Variants in PTBP3 observed in about 807,000 individuals in gnomAD.
PTBP3 encodes polypyrimidine tract binding protein 3.
Under a neutral mutation model 58.7 loss-of-function variants are expected in PTBP3, and 20 were observed. The observed-to-expected ratio is 0.34, with a 90% CI of 0.24 to 0.50. The LOEUF is 0.50. PTBP3 is among the 20% of genes least tolerant of loss of function. The pLI is 0.98. For synonymous variants in PTBP3, 185 were observed against 219.8 expected (o/e 0.84, Z 1.40); for missense variants, 509 against 637.2 (o/e 0.80, Z 2.17).
intron 8 of PTBP3, 78 bp downstream of exon 8, chr9:112,234,741 AC>A: frequency 7.5e-7 from 1 of 1,330,170 alleles, no homozygotes; most frequent in Non-Finnish European, 1.1e-6. Flanking sequence ...AAATATGATA[AC>A]ATTCTTCATC....
chr9:112,326,198 C>T (rs1170978751), intron 1 of PTBP3, among the ~76,000 whole-genome samples: 1 of 152,174 alleles, frequency 6.6e-6, no homozygotes, highest in Non-Finnish European at 1.5e-5. Context: ...ACCCTTAAGA[C>T]ATGTGCATTT....
In PTBP3 at chr9:112,252,232, TCTGA is replaced by T. The variant is rs577535731; in HGVS notation, c.627+442_627+445del. 2.6e-5 allele frequency: 4 copies of T among 155,936 alleles called. No homozygotes were observed. The East Asian group carries it at 5.7e-4, about 22-fold the overall frequency. The allele number at this position is 155,936 out of a possible 1,614,324, so 9.7% of individuals were successfully genotyped here. On this transcript the variant is annotated intron_variant, in intron 6 of 13. Coordinates refer to ENST00000374257, the MANE Select transcript of PTBP3 (RefSeq NM_001163788.4). ...AGCTGCAAAAATGGTGAAATCAATC[TCTGA>T]CTGATTTAACAGAAGTAAATGGTCT...
At chr9:112,277,930 ACAT>A (rs1240617192) in intron 2 of PTBP3, among the ~76,000 whole-genome samples, 1 of 117,982 alleles carries the variant, frequency 8.5e-6, no homozygotes, top group African/African-American at 3.8e-5. Context: ...ACATAACATA[ACAT>A]AACATAACAT....
At chr9:112,334,490 A>C (rs1830525921), upstream of PTBP3, among the ~76,000 whole-genome samples, 1 of 152,200 alleles carries the variant, frequency 6.6e-6, no homozygotes, top group East Asian at 1.9e-4. Flanking sequence ...TAATATAACG[A>C]GTGACAACAC....
At chr9:112,307,251 G>A (rs956911924) in intron 1 of PTBP3, among the ~76,000 whole-genome samples, 16 of 152,062 alleles carry the variant, frequency 1.1e-4, no homozygotes, top group Admixed American at 1.3e-4. Context: ...TCAGGAGTTC[G>A]AGACCAGCCT....
At chr9:112,231,921 AG>A (rs1835218823) in intron 9 of PTBP3, among the ~76,000 whole-genome samples, 177 bp downstream of exon 9, 1 of 48,910 alleles carries the variant, frequency 2.0e-5, no homozygotes, top group Admixed American at 2.6e-4. Context: ...AAAGAAGAGA[AG>A]AGAAGAGAAG....
the PTBP3 span, among the ~76,000 whole-genome samples, chr9:112,365,655 G>A: frequency 1.3e-5 from 2 of 152,136 alleles, no homozygotes; most frequent in Admixed American, 6.6e-5. Context: ...AAAAGATACC[G>A]AAAAATGTGG....
At chr9:112,259,819 C>T (rs1836516734) in intron 5 of PTBP3, among the ~76,000 whole-genome samples, 1 of 152,224 alleles carries the variant, frequency 6.6e-6, no homozygotes, top group South Asian at 2.1e-4. Context: ...TAATATTCAC[C>T]ACATCTTATG....
chr9:112,333,416 G>C, intron 1 of PTBP3, 54 bp downstream of exon 1: 1 of 1,556,886 alleles, frequency 6.4e-7, no homozygotes, highest in Non-Finnish European at 8.7e-7. Context: ...GGAGAGCCGG[G>C]TGGAAGCGGC....
At chr9:112,359,744 C>T in the PTBP3 span, among the ~76,000 whole-genome samples, 1 of 151,804 alleles carries the variant, frequency 6.6e-6, no homozygotes, top group Non-Finnish European at 1.5e-5. Context: ...CGGAGGTTGC[C>T]GGGAGGCGGA....
chr9:112,295,171 G>A (rs772208494), intron 2 of PTBP3, among the ~76,000 whole-genome samples: 8 of 151,766 alleles, frequency 5.3e-5, no homozygotes, highest in Non-Finnish European at 8.8e-5. Flanking sequence ...CCCAGGAGGC[G>A]GTGGTTACAG....
At chr9:112,272,090 GAGAC>G (rs1412522390) in intron 3 of PTBP3, among the ~76,000 whole-genome samples, 1 of 144,902 alleles carries the variant, frequency 6.9e-6, no homozygotes, top group Non-Finnish European at 1.5e-5. Context: ...TTTTTTTTTT[GAGAC>G]AGAGTCTCAC....
chr9:112,234,891 G>C lies in PTBP3; in HGVS notation c.809C>G (p.Pro270Arg). The change falls in exon 8 of 14, where the codon CCG becomes CGG. Residue 270 changes from proline to arginine, a missense_variant. This residue lies in a region of PTBP3 where 121 missense variants were observed against 114.8 expected (regional missense o/e 1.05). Coordinates refer to ENST00000374257, the MANE Select transcript of PTBP3 (RefSeq NM_001163788.4). ...TGCATATGGTGAAGAAATTATACCC[G>C]GTGCACCTAATGGGAAAGAGAAGCT... ...EPPMAAAFGA[P>R]GIISSPYAGA... is the part of the protein sequence containing the mutation. The C allele has an allele frequency of 1.9e-6, 3 of 1,611,146 alleles. No individual in the cohort carries two copies. Among genetic ancestry groups the C allele is most frequent in the Non-Finnish European group, 2.5e-6 (3 of 1,178,018 alleles).
chr9:112,372,491 T>A, the PTBP3 span, among the ~76,000 whole-genome samples: 2 of 152,360 alleles, frequency 1.3e-5, no homozygotes, highest in Admixed American at 6.5e-5. Flanking sequence ...GTGTGACTAC[T>A]ACCTCTATCT....
chr9:112,244,291 A>AAAAAAAAAAAAAAAAAG (rs1835786900), intron 7 of PTBP3, among the ~76,000 whole-genome samples: 1 of 132,444 alleles, frequency 7.6e-6, no homozygotes, highest in Non-Finnish European at 1.6e-5. Context: ...CTCTGTCTCA[A>AAAAAAAAAAAAAAAAAG]AAAAAAAAAA....
intron 1 of PTBP3, among the ~76,000 whole-genome samples, chr9:112,331,436 ATTG>A (rs886403175): frequency 6.6e-6 from 1 of 152,232 alleles, no homozygotes; most frequent in Non-Finnish European, 1.5e-5. Context: ...CATTCTACAT[ATTG>A]TTAATAACCT....
chr9:112,225,705 A>G (rs2131947166), intron 12 of PTBP3, among the ~76,000 whole-genome samples: 1 of 152,270 alleles, frequency 6.6e-6, no homozygotes, highest in South Asian at 2.1e-4. Context: ...TTCTTCCTAC[A>G]TGTCCTATGT....
chr9:112,348,719 C>T, the PTBP3 span, among the ~76,000 whole-genome samples: 11 of 152,234 alleles, frequency 7.2e-5, no homozygotes, highest in African/African-American at 2.7e-4. Context: ...CATTCCTGCT[C>T]TAAAACTTGC....
chr9:112,319,061 A>C (rs1319232862), intron 1 of PTBP3, among the ~76,000 whole-genome samples: 1 of 146,294 alleles, frequency 6.8e-6, no homozygotes, highest in Non-Finnish European at 1.5e-5. Context: ...TGGGAGGCGG[A>C]GGTTGCAGTG....
Sources: gnomAD v4.1 joint callset for allele counts (sites outside exome capture counted in the v4.1 genomes callset) on GRCh38, gnomAD v4.1.1 for gene constraint, gnomAD v4.1.1 regional missense constraint, MANE v1.5 for transcripts, NCBI Gene and HGNC (gene_info 2026-07-23, HGNC 2026-07-21) for gene names.